KIF21A: variants seen among roughly 807,000 people sequenced by gnomAD.
KIF21A encodes the protein kinesin-like protein KIF21A.
A neutral mutation model predicts 202.9 loss-of-function variants in KIF21A; 114 were observed. The ratio of observed to expected loss-of-function variants is 0.56; its 90% CI spans 0.48 to 0.66. The LOEUF is 0.66. Among genes scored for constraint, KIF21A ranks in the 30% least tolerant of loss-of-function variants. The probability of loss-of-function intolerance (pLI) is 0.00; values close to 1 mark genes in which losing one functional copy is unlikely to be tolerated. For synonymous variants in KIF21A, 667 were observed against 670.8 expected, an observed-to-expected ratio of 0.99 and a Z score of 0.09; for missense variants, 1,677 against 1,994.9, an observed-to-expected ratio of 0.84 and a Z score of 3.04.
Position 39,294,433 on chromosome 12 carries a change from G to A in KIF21A, c.5016C>T (p.Ala1672=). The A allele has an allele frequency of 1.2e-6, 2 of 1,609,660 alleles. No homozygotes were observed. The highest frequency in any genetic ancestry group is 1.7e-6 in the Non-Finnish European group (2 of 1,176,086). The change falls in exon 38 of 38, where the codon GCC becomes GCT. Residue 1672 remains alanine (A), a synonymous_variant. Transcript: ENST00000361418. The part of the protein sequence containing the change: ...SDTGDLGEDI[A]SN ...CTATCTTCATTCATGTTTAATTACT[G>A]GCAATATCTTCCCCCAGATCTCCTG... is the stretch of plus-strand genomic sequence containing the variant.
At chr12:39,343,893 C>T (rs1455153346) in intron 12 of KIF21A, among the ~76,000 whole-genome samples, 2 of 152,170 alleles carry the variant, frequency 1.3e-5, no homozygotes, top group Non-Finnish European at 2.9e-5. Context: ...ATGAGCACCT[C>T]TGTTTGAACA....
At chr12:39,351,108 A>G (rs1948337582) in intron 11 of KIF21A, among the ~76,000 whole-genome samples, 2 of 152,076 alleles carry the variant, frequency 1.3e-5, no homozygotes, top group Admixed American at 1.3e-4. Context: ...CCACTTACAC[A>G]TTACAAGTGG....
At chr12:39,349,896 A>C in intron 11 of KIF21A, among the ~76,000 whole-genome samples, 1 of 152,154 alleles carries the variant, frequency 6.6e-6, no homozygotes, top group Non-Finnish European at 1.5e-5. Flanking sequence ...TTAGATTCAC[A>C]AATTATATAG....
At chr12:39,398,367 A>G (rs1176281329) in intron 1 of KIF21A, among the ~76,000 whole-genome samples, 1 of 152,194 alleles carries the variant, frequency 6.6e-6, no homozygotes. Flanking sequence ...TGGGAGGCTG[A>G]GGCAAGAGGA....
intron 1 of KIF21A, among the ~76,000 whole-genome samples, chr12:39,408,351 C>T (rs1178551899): frequency 6.6e-6 from 1 of 152,086 alleles, no homozygotes; most frequent in Admixed American, 6.5e-5. Flanking sequence ...ACTGATCTGA[C>T]AGGAGGCAAA....
chr12:39,326,384 G>T, intron 24 of KIF21A, 60 bp from the exon 25 acceptor site: 2 of 1,114,810 alleles, frequency 1.8e-6, no homozygotes, highest in Non-Finnish European at 2.7e-6. Flanking sequence ...AATGGTGACT[G>T]CAATCCATAG....
chr12:39,331,580 A>AATAATCTTCT (rs1946509167), intron 22 of KIF21A, 110 bp downstream of exon 22: 1 of 774,040 alleles, frequency 1.3e-6, no homozygotes, highest in African/African-American at 1.7e-5. Flanking sequence ...TCCAATTATG[A>AATAATCTTCT]ATAATCTTCT....
chr12:39,403,306 A>G (rs539240834), intron 1 of KIF21A, among the ~76,000 whole-genome samples: 14 of 152,344 alleles, frequency 9.2e-5, no homozygotes, highest in African/African-American at 3.4e-4. Context: ...AAGACAAAGC[A>G]TGTTTACTGT....
intron 1 of KIF21A, among the ~76,000 whole-genome samples, chr12:39,384,517 G>A (rs994616788): frequency 6.6e-6 from 1 of 152,166 alleles, no homozygotes; most frequent in East Asian, 1.9e-4. Flanking sequence ...GGACAAGGCT[G>A]CTCCAAATGT....
At chr12:39,429,092 G>T (rs1346274688) in intron 1 of KIF21A, among the ~76,000 whole-genome samples, 2 of 152,064 alleles carry the variant, frequency 1.3e-5, no homozygotes, top group Non-Finnish European at 2.9e-5. Context: ...TATAAGTAGA[G>T]GTGTGCTCAG....
At chr12:39,350,535 T>G (rs766541285) in intron 11 of KIF21A, among the ~76,000 whole-genome samples, 2 of 152,054 alleles carry the variant, frequency 1.3e-5, no homozygotes, top group Non-Finnish European at 2.9e-5. Flanking sequence ...AAAAGTCTTA[T>G]GTTAATTCAA....
chr12:39,315,315 G>C lies in KIF21A; in HGVS notation c.3948-75C>G. ...AGAGGGAGGACATAAAATGATAATG[G>C]TGAAAGGGAATGAGACAGAGAGAAA... On this transcript the variant is annotated intron_variant, in intron 30 of 37. Coordinates refer to ENST00000361418, the MANE Select transcript of KIF21A (RefSeq NM_001173464.2). 7 of 1,308,512 alleles carry C rather than the reference G, an allele frequency of 5.3e-6. No individual in the cohort carries two copies. In the Admixed American group the frequency reaches 1.0e-4, roughly 19 times the overall value. 81.1% of individuals were successfully genotyped at this position (1,308,512 alleles called of 1,614,324 possible).
chr12:39,368,035 A>G lies in KIF21A; in HGVS notation c.451-3T>C, dbSNP rs772047509. The G allele has an allele frequency of 6.4e-7, 1 of 1,563,592 alleles. No homozygotes were observed. Among genetic ancestry groups the G allele is most frequent in the South Asian group, 1.1e-5 (1 of 89,734 alleles). On this transcript the variant is annotated splice_polypyrimidine_tract_variant and splice_region_variant and intron_variant, in intron 3 of 37. Transcript: ENST00000361418. ...TCAAGGACCTCTTCATTATAGAGCT[A>G]TCAAAAAAATATTAGAAATCTAATT...
At chr12:39,413,565 C>T (rs1953289122) in intron 1 of KIF21A, among the ~76,000 whole-genome samples, 1 of 152,138 alleles carries the variant, frequency 6.6e-6, no homozygotes, top group Non-Finnish European at 1.5e-5. Flanking sequence ...CAAGGAATCA[C>T]TAATTCAAAT....
intron 22 of KIF21A, 142 bp from the exon 23 acceptor site, chr12:39,331,053 GCTTAGT>G: frequency 1.3e-6 from 1 of 792,790 alleles, no homozygotes; most frequent in Non-Finnish European, 2.1e-6. Context: ...CCAGTAACTG[GCTTAGT>G]GATCATGTAC....
intron 1 of KIF21A, among the ~76,000 whole-genome samples, chr12:39,370,784 T>TA (rs1241238031): frequency 1.3e-5 from 2 of 152,078 alleles, no homozygotes; most frequent in African/African-American, 4.8e-5. Context: ...TGTAACATGT[T>TA]AAGCATATTC....
chr12:39,309,588 T>C lies in KIF21A; in HGVS notation c.4275A>G (p.Leu1425=). The C allele has an allele frequency of 1.2e-6, 2 of 1,608,504 alleles. No individual in the cohort carries two copies. Among genetic ancestry groups the C allele is most frequent in the Non-Finnish European group, 1.7e-6 (2 of 1,177,322 alleles). ...CTATATGTCTTCAAGTTACTTACGT[T>C]AGTGTTCGAATGCACTTTGCTGAAT... is the stretch of plus-strand genomic sequence containing the variant. ...IRDSAKCIRT[L]TSSGQVTLGD... is the part of the protein sequence containing the mutation. The change falls in exon 33 of 38, where the codon CTA becomes CTG. Residue 1425 remains leucine (L), a splice_region_variant and synonymous_variant. Coordinates refer to ENST00000361418, the MANE Select transcript of KIF21A (RefSeq NM_001173464.2).
chr12:39,407,196 T>C (rs1952662555), intron 1 of KIF21A, among the ~76,000 whole-genome samples: 1 of 152,218 alleles, frequency 6.6e-6, no homozygotes, highest in African/African-American at 2.4e-5. Flanking sequence ...TTCCTCTCTT[T>C]ATGCTAGAGA....
At chr12:39,351,377 C>A (rs1948363215) in intron 11 of KIF21A, among the ~76,000 whole-genome samples, 1 of 151,882 alleles carries the variant, frequency 6.6e-6, no homozygotes. Context: ...CTAATCTAGA[C>A]AGGGATGAAA....
Sources: gnomAD v4.1 joint callset for allele counts (sites outside exome capture counted in the v4.1 genomes callset) on GRCh38, gnomAD v4.1.1 for gene constraint, MANE v1.5 for transcripts, NCBI Gene and HGNC (gene_info 2026-07-23, HGNC 2026-07-21) for gene names.